Variants in BABAM2 observed in about 807,000 individuals in gnomAD.
The protein encoded by BABAM2 is BRISC and BRCA1-A complex member 2.
Under a neutral mutation model 54.7 loss-of-function variants are expected in BABAM2, and 31 were observed. The observed-to-expected ratio is 0.57, with a 90% confidence interval of 0.43 to 0.77. The LOEUF (loss-of-function observed/expected upper bound fraction) is 0.77, where lower values mean the gene tolerates loss of function less well. BABAM2 is among the 30% of genes least tolerant of loss of function. The pLI is 0.00. For synonymous variants in BABAM2, 167 were observed against 162.9 expected (o/e 1.03, Z -0.19); for missense variants, 364 against 455.8 (o/e 0.80, Z 1.83).
intron 10 of BABAM2, among the ~76,000 whole-genome samples, chr2:28,295,626 G>T (rs1489161425): frequency 2.0e-5 from 3 of 151,996 alleles, no homozygotes; most frequent in African/African-American, 7.2e-5. Flanking sequence ...CTTCTGAGTA[G>T]CTGGGATTAC....
chr2:28,018,095 C>T (rs945883523), intron 4 of BABAM2, among the ~76,000 whole-genome samples: 12 of 152,302 alleles, frequency 7.9e-5, no homozygotes, highest in South Asian at 4.1e-4. Context: ...CCATCACACA[C>T]GCAGTGTACA....
At chr2:28,044,027 G>T (rs534658060) in intron 5 of BABAM2, among the ~76,000 whole-genome samples, 72 of 152,226 alleles carry the variant, frequency 4.7e-4, no homozygotes, top group African/African-American at 1.7e-3. Flanking sequence ...TCTCATTTCC[G>T]CCTTGTCTGT....
intron 7 of BABAM2, among the ~76,000 whole-genome samples, chr2:28,179,502 G>A (rs1332991097): frequency 6.6e-6 from 1 of 151,962 alleles, no homozygotes; most frequent in African/African-American, 2.4e-5. Flanking sequence ...AAGGCCATAT[G>A]TGACCCATAG....
intron 7 of BABAM2, among the ~76,000 whole-genome samples, chr2:28,232,005 T>C (rs1681455820): frequency 6.6e-6 from 1 of 151,762 alleles, no homozygotes; most frequent in Non-Finnish European, 1.5e-5. Context: ...GGGATCTCGC[T>C]ATGTTGCCCA....
At chr2:28,000,947 T>C (rs1673536813) in intron 4 of BABAM2, among the ~76,000 whole-genome samples, 1 of 152,166 alleles carries the variant, frequency 6.6e-6, no homozygotes, top group African/African-American at 2.4e-5. Flanking sequence ...TCTTGGCTCA[T>C]CTTGTCAGTT....
chr2:28,012,343 C>A (rs759539587), intron 4 of BABAM2, among the ~76,000 whole-genome samples: 9 of 152,154 alleles, frequency 5.9e-5, no homozygotes, highest in Non-Finnish European at 8.8e-5. Flanking sequence ...TGTGTGGCAT[C>A]AATAGCTAAG....
chr2:28,007,210 A>G (rs1356364516), intron 4 of BABAM2, among the ~76,000 whole-genome samples: 1 of 152,090 alleles, frequency 6.6e-6, no homozygotes, highest in East Asian at 1.9e-4. Context: ...TGGTAGTCAC[A>G]GAGAATCACA....
At chr2:28,214,056 A>G (rs765578816) in intron 7 of BABAM2, among the ~76,000 whole-genome samples, 33 of 152,100 alleles carry the variant, frequency 2.2e-4, no homozygotes, top group Admixed American at 2.0e-4. Context: ...GTGATATTTT[A>G]TATGGCTGCC....
intron 6 of BABAM2, among the ~76,000 whole-genome samples, chr2:28,103,237 G>A (rs1667233770): frequency 6.6e-6 from 1 of 152,106 alleles, no homozygotes; most frequent in Admixed American, 6.6e-5. Context: ...TTATGAAAGT[G>A]ATATTCAACG....
intron 6 of BABAM2, among the ~76,000 whole-genome samples, chr2:28,097,860 A>G (rs1038960244): frequency 2.0e-5 from 3 of 152,202 alleles, no homozygotes; most frequent in African/African-American, 7.2e-5. Flanking sequence ...GCTCACTAGC[A>G]CTTTCCCCTC....
chr2:27,942,082 C>A (rs1020814919), intron 3 of BABAM2, among the ~76,000 whole-genome samples: 6 of 152,042 alleles, frequency 3.9e-5, no homozygotes, highest in African/African-American at 7.2e-5. Context: ...TCCCCATCTC[C>A]GATCTATTAC....
At chr2:28,252,047 G>A (rs1683537492) in intron 10 of BABAM2, among the ~76,000 whole-genome samples, 1 of 152,084 alleles carries the variant, frequency 6.6e-6, no homozygotes, top group Admixed American at 6.6e-5. Context: ...AATTAGCCAA[G>A]TGTGGTGGCA....
chr2:27,929,418 G>T (rs1010487173), intron 2 of BABAM2, among the ~76,000 whole-genome samples: 7 of 152,006 alleles, frequency 4.6e-5, no homozygotes, highest in Non-Finnish European at 8.8e-5. Flanking sequence ...GCTAAAAGTG[G>T]GCTCTTTTTT....
At chr2:28,223,453 A>T (rs1388900950) in intron 7 of BABAM2, among the ~76,000 whole-genome samples, 1 of 152,158 alleles carries the variant, frequency 6.6e-6, no homozygotes, top group Non-Finnish European at 1.5e-5. Context: ...CAGAATGGGG[A>T]GGAGAGAGGG....
chr2:28,309,950 G>T (rs1009657970), intron 11 of BABAM2: 2 of 950,154 alleles, frequency 2.1e-6, no homozygotes, highest in Non-Finnish European at 3.3e-6. Flanking sequence ...TCCCTCCTGG[G>T]CCTTTTCCTT....
At chr2:28,320,266 G>C (rs1231762199) in intron 11 of BABAM2, among the ~76,000 whole-genome samples, 1 of 152,234 alleles carries the variant, frequency 6.6e-6, no homozygotes, top group Non-Finnish European at 1.5e-5. Context: ...GGTTTTAAGA[G>C]CCTACTGGGA....
At chr2:28,268,253 G>A (rs1345437586) in intron 10 of BABAM2, among the ~76,000 whole-genome samples, 4 of 152,182 alleles carry the variant, frequency 2.6e-5, no homozygotes, top group African/African-American at 7.2e-5. Context: ...AAGAGGATAC[G>A]TTGAGCCTAG....
chr2:28,016,106 G>T, intron 4 of BABAM2: 3 of 1,019,998 alleles, frequency 2.9e-6, no homozygotes, highest in East Asian at 2.8e-5. Context: ...AGTTTTCCGT[G>T]TTTCTTACCC....
At chr2:28,032,132 A>G (rs1676340413) in intron 5 of BABAM2, among the ~76,000 whole-genome samples, 1 of 152,214 alleles carries the variant, frequency 6.6e-6, no homozygotes, top group Non-Finnish European at 1.5e-5. Context: ...TAAAGAATCT[A>G]AGACTAGGAA....
Sources: gnomAD v4.1 joint callset for allele counts (sites outside exome capture counted in the v4.1 genomes callset) on GRCh38, gnomAD v4.1.1 for gene constraint, MANE v1.5 for transcripts, NCBI Gene and HGNC (gene_info 2026-07-23, HGNC 2026-07-21) for gene names.